NPFFR2: variants seen among roughly 807,000 people sequenced by gnomAD.
NPFFR2 encodes the protein G-protein coupled receptor 74.
NPFFR2 carries 15 observed loss-of-function variants against 13.1 expected under a neutral mutation model. The observed-to-expected ratio is 1.15, with a 90% confidence interval of 0.77 to 1.76. NPFFR2 has a LOEUF of 1.76. Among genes scored for constraint, NPFFR2 ranks in the 40% most tolerant of loss-of-function variants. The pLI, the probability that NPFFR2 is intolerant of heterozygous loss-of-function variation, is 0.00. For synonymous variants in NPFFR2, 190 were observed against 175.7 expected, an observed-to-expected ratio of 1.08 and a Z score of -0.65; for missense variants, 572 against 503.5, an observed-to-expected ratio of 1.14 and a Z score of -1.30.
rs774565779 is a variant in NPFFR2 at position 72,147,416 on chromosome 4, C to A, written c.867C>A (p.Pro289=). Residue 289 remains proline, a synonymous_variant, in exon 4 of 4, where the codon CCC becomes CCA. Transcript: ENST00000308744. ...TGCTTTTTATTCTCTCATGGCTGCCCCTGTGGACTCTAATGATGCTCTCAG... is the reference window on the plus strand; with the variant it reads ...TGCTTTTTATTCTCTCATGGCTGCCACTGTGGACTCTAATGATGCTCTCAG... The part of the protein sequence containing the change: ...VALLFILSWL[P]LWTLMMLSDY... 1 of 1,614,108 alleles carries A rather than the reference C, an allele frequency of 6.2e-7. No homozygotes were observed.
chr4:72,062,388 A>G (rs1049388604), intron 1 of NPFFR2, among the ~76,000 whole-genome samples: 3 of 152,184 alleles, frequency 2.0e-5, no homozygotes, highest in African/African-American at 7.2e-5. Flanking sequence ...ATAAAGTAAT[A>G]AAACAAAATC....
chr4:72,116,473 A>T (rs2109823725), intron 1 of NPFFR2, among the ~76,000 whole-genome samples: 1 of 152,112 alleles, frequency 6.6e-6, no homozygotes, highest in East Asian at 1.9e-4. Flanking sequence ...TACTATGCTC[A>T]CTACCTGGGT....
intron 1 of NPFFR2, among the ~76,000 whole-genome samples, chr4:72,095,646 TG>T (rs2109805457): frequency 6.6e-6 from 1 of 152,248 alleles, no homozygotes; most frequent in East Asian, 1.9e-4. Context: ...TTCTGGCTGG[TG>T]GGGAGAGGCA....
intron 1 of NPFFR2, among the ~76,000 whole-genome samples, chr4:72,050,058 G>A (rs747351172): frequency 3.3e-5 from 5 of 151,952 alleles, no homozygotes; most frequent in African/African-American, 9.7e-5. Context: ...ATGGGAGAGG[G>A]GCTTGAGGTT....
At chr4:72,095,074 G>C (rs1000565546) in intron 1 of NPFFR2, among the ~76,000 whole-genome samples, 1 of 152,068 alleles carries the variant, frequency 6.6e-6, no homozygotes, top group East Asian at 1.9e-4. Context: ...CTCTTCCAAG[G>C]CTTTTTCATT....
intron 2 of NPFFR2, among the ~76,000 whole-genome samples, chr4:72,130,579 C>T (rs1373558710): frequency 6.6e-6 from 1 of 152,022 alleles, no homozygotes; most frequent in Non-Finnish European, 1.5e-5. Flanking sequence ...ATGAAAGGAC[C>T]CTTCCCTTGA....
chr4:72,055,287 C>T (rs1719710761), intron 1 of NPFFR2, among the ~76,000 whole-genome samples: 1 of 57,244 alleles, frequency 1.7e-5, no homozygotes, highest in Admixed American at 2.2e-4. Context: ...TGTCACATTT[C>T]GGTAATTCTT....
intron 2 of NPFFR2, among the ~76,000 whole-genome samples, chr4:72,134,800 G>A (rs1467503756): frequency 6.6e-6 from 1 of 151,932 alleles, no homozygotes; most frequent in Non-Finnish European, 1.5e-5. Flanking sequence ...TCTCTTTATA[G>A]GAACACGTTA....
intron 1 of NPFFR2, among the ~76,000 whole-genome samples, chr4:72,105,314 A>G (rs904644123): frequency 7.9e-5 from 12 of 151,998 alleles, no homozygotes; most frequent in African/African-American, 2.7e-4. Flanking sequence ...GAAGAAATAC[A>G]AAGGAAATAA....
Position 72,128,835 on chromosome 4 carries a change from C to A in NPFFR2, c.244C>A (p.Leu82Ile). The A allele has an allele frequency of 1.2e-6, 2 of 1,614,110 alleles. No homozygotes were observed. The highest frequency in any genetic ancestry group is 1.7e-6 in the Non-Finnish European group (2 of 1,179,972). The change falls in exon 2 of 4, where the codon CTC (leucine) becomes ATC (isoleucine). Residue 82 changes from leucine to isoleucine, a missense_variant. By Grantham distance (5) the Leu-to-Ile change is conservative. Transcript: ENST00000308744. ...CAAACATATGCACACAGTCACTAAT[C>A]TCTTCATCTTAAACCTGGCCATAAG... The part of the protein sequence containing the change: ...RNKHMHTVTN[L>I]FILNLAISDL...
At chr4:72,041,959 T>G (rs1719234028) in intron 1 of NPFFR2, among the ~76,000 whole-genome samples, 1 of 152,230 alleles carries the variant, frequency 6.6e-6, no homozygotes, top group Admixed American at 6.5e-5. Flanking sequence ...GTTGAGAGTT[T>G]CCTTTGCTGT....
chr4:72,121,956 C>A (rs533174026), intron 1 of NPFFR2, among the ~76,000 whole-genome samples: 131 of 152,082 alleles, frequency 8.6e-4, no homozygotes, highest in African/African-American at 3.0e-3. Flanking sequence ...CACACACTGG[C>A]AAATCGGATA....
chr4:72,092,947 A>G (rs184106059), intron 1 of NPFFR2, among the ~76,000 whole-genome samples: 96 of 152,226 alleles, frequency 6.3e-4, no homozygotes, highest in Non-Finnish European at 1.6e-4. Context: ...TTATGCTTCA[A>G]GGAGGTTCTA....
At chr4:72,139,930 C>T (rs905311692) in intron 3 of NPFFR2, among the ~76,000 whole-genome samples, 18 of 152,090 alleles carry the variant, frequency 1.2e-4, no homozygotes, top group South Asian at 2.1e-4. Context: ...TCTTTTATTT[C>T]GTTGAGCAGT....
intron 1 of NPFFR2, among the ~76,000 whole-genome samples, chr4:72,062,934 A>G (rs1312808675): frequency 1.2e-5 from 1 of 83,036 alleles, no homozygotes; most frequent in Non-Finnish European, 2.8e-5. Flanking sequence ...TTTCTAGGAG[A>G]CTTTTGAGAA....
intron 1 of NPFFR2, among the ~76,000 whole-genome samples, chr4:72,092,990 G>C (rs773417213): frequency 1.3e-5 from 2 of 152,092 alleles, no homozygotes; most frequent in Non-Finnish European, 2.9e-5. Flanking sequence ...TTTCAAGATG[G>C]AGAGCTCCTT....
intron 1 of NPFFR2, among the ~76,000 whole-genome samples, chr4:72,121,427 G>C (rs1207142995): frequency 6.6e-6 from 1 of 152,034 alleles, no homozygotes; most frequent in Non-Finnish European, 1.5e-5. Context: ...CCTGAGAAGA[G>C]AAACACCAAG....
chr4:72,074,715 A>G (rs1334173317), intron 1 of NPFFR2, among the ~76,000 whole-genome samples: 1 of 152,140 alleles, frequency 6.6e-6, no homozygotes, highest in Admixed American at 6.6e-5. Context: ...AAACCTTCCC[A>G]TCAAAAGACA....
At chr4:72,045,322 A>G (rs892122406) in intron 1 of NPFFR2, among the ~76,000 whole-genome samples, 6 of 152,180 alleles carry the variant, frequency 3.9e-5, no homozygotes, top group African/African-American at 1.4e-4. Flanking sequence ...TCATGGCTGT[A>G]CTAATTTACA....
Sources: gnomAD v4.1 joint callset for allele counts (sites outside exome capture counted in the v4.1 genomes callset) on GRCh38, gnomAD v4.1.1 for gene constraint, MANE v1.5 for transcripts, NCBI Gene and HGNC (gene_info 2026-07-23, HGNC 2026-07-21) for gene names.